ADAMTS17: variants seen among roughly 807,000 people sequenced by gnomAD.
The protein encoded by ADAMTS17 is A disintegrin and metalloproteinase with thrombospondin motifs 17.
ADAMTS17 carries 113 observed loss-of-function variants against 141.5 expected under a neutral mutation model. That is an observed-to-expected ratio of 0.80 (90% CI 0.69 to 0.93). The LOEUF (loss-of-function observed/expected upper bound fraction) is 0.93, where lower values mean the gene tolerates loss of function less well. ADAMTS17 is among the 40% of genes least tolerant of loss of function. The probability of loss-of-function intolerance (pLI) is 0.00; values close to 1 mark genes in which losing one functional copy is unlikely to be tolerated. For missense variants in ADAMTS17, 1,659 were observed against 1,517.9 expected, an observed-to-expected ratio of 1.09 and a Z score of -1.54; for synonymous variants, 768 against 630.6, an observed-to-expected ratio of 1.22 and a Z score of -3.27.
intron 6 of ADAMTS17, among the ~76,000 whole-genome samples, chr15:100,258,711 C>A (rs2043415952): frequency 6.6e-6 from 1 of 151,876 alleles, no homozygotes; most frequent in Non-Finnish European, 1.5e-5. Flanking sequence ...TGGGTGGGGA[C>A]ACAGCAAAAC....
chr15:100,065,183 G>A (rs911325036), intron 15 of ADAMTS17, among the ~76,000 whole-genome samples: 4 of 152,120 alleles, frequency 2.6e-5, no homozygotes, highest in Non-Finnish European at 5.9e-5. Flanking sequence ...ATTACCCCAA[G>A]AAAGTAATAT....
At chr15:100,223,666 C>A (rs1567383032) in intron 7 of ADAMTS17, among the ~76,000 whole-genome samples, 1 of 150,980 alleles carries the variant, frequency 6.6e-6, no homozygotes, top group East Asian at 1.9e-4. Context: ...CACACACACC[C>A]ACAGACACAC....
At chr15:100,198,544 GCCT>G (rs1458710679) in intron 8 of ADAMTS17, among the ~76,000 whole-genome samples, 2 of 152,022 alleles carry the variant, frequency 1.3e-5, no homozygotes, top group African/African-American at 4.8e-5. Context: ...GCATGCTCTG[GCCT>G]CCTCAATTTA....
At chr15:100,185,658 C>T (rs992231917) in intron 8 of ADAMTS17, among the ~76,000 whole-genome samples, 1 of 152,240 alleles carries the variant, frequency 6.6e-6, no homozygotes, top group Middle Eastern at 3.2e-3. Flanking sequence ...TAACTTGCAG[C>T]ACACCAGTTC....
At chr15:100,118,838 C>A (rs1187547569) in intron 12 of ADAMTS17, among the ~76,000 whole-genome samples, 2 of 152,254 alleles carry the variant, frequency 1.3e-5, no homozygotes, top group Middle Eastern at 3.4e-3. Context: ...GCAGCAGATG[C>A]AGCATGGCAC....
At chr15:100,302,784 A>G (rs11247181) in intron 3 of ADAMTS17, among the ~76,000 whole-genome samples, 98,872 of 152,068 alleles carry the variant, frequency 0.65, 33,535 homozygotes, top group African/African-American at 0.84. Flanking sequence ...CTGTGAGAGT[A>G]TTGCCACAGG....
rs954751217 is a variant in ADAMTS17, at chr15:100,069,589, C to T, written c.2138-15535G>A. Among the ~76,000 whole-genome samples the T allele has an allele frequency of 3.7e-4, 57 of 152,136 alleles. 2 individuals carry two copies. Among genetic ancestry groups the T allele is most frequent in the South Asian group, 4.1e-4 (2 of 4,828 alleles). ...CCAGAAGAGAGTGGGGGCCAATATT[C>T]AACATTCTTAAAGAAAGGAATTTTC... On this transcript the variant is annotated intron_variant, in intron 15 of 21. Coordinates refer to ENST00000268070, the MANE Select transcript of ADAMTS17 (RefSeq NM_139057.4).
chr15:100,341,554 G>C (rs1025383235), intron 1 of ADAMTS17, 145 bp from the exon 2 acceptor site: 14 of 868,630 alleles, frequency 1.6e-5, no homozygotes, highest in Middle Eastern at 5.1e-4. Context: ...CCTCCACGCT[G>C]GCCCGCGCCA....
intron 7 of ADAMTS17, among the ~76,000 whole-genome samples, chr15:100,235,122 C>T (rs1034842691): frequency 1.3e-5 from 2 of 152,122 alleles, no homozygotes; most frequent in Non-Finnish European, 2.9e-5. Flanking sequence ...CGCGGGCCCA[C>T]GATGAGATAG....
intron 3 of ADAMTS17, among the ~76,000 whole-genome samples, chr15:100,308,602 T>C (rs915730854): frequency 6.6e-6 from 1 of 152,144 alleles, no homozygotes; most frequent in South Asian, 2.1e-4. Flanking sequence ...TGGTTGAAAC[T>C]GGAATGTCTT....
At chr15:100,299,911 A>G (rs1234036039) in intron 3 of ADAMTS17, among the ~76,000 whole-genome samples, 1 of 152,202 alleles carries the variant, frequency 6.6e-6, no homozygotes, top group African/African-American at 2.4e-5. Flanking sequence ...GGATGGGAAC[A>G]GCCCTCTCTC....
intron 8 of ADAMTS17, among the ~76,000 whole-genome samples, chr15:100,156,405 G>A (rs536474027): frequency 4.6e-5 from 7 of 152,236 alleles, no homozygotes; most frequent in African/African-American, 1.4e-4. Flanking sequence ...CAACTCCCAC[G>A]TGGAGTTGGA....
intron 10 of ADAMTS17, among the ~76,000 whole-genome samples, chr15:100,151,526 C>G (rs2039164300): frequency 6.6e-6 from 1 of 152,210 alleles, no homozygotes; most frequent in South Asian, 2.1e-4. Flanking sequence ...CTCCAGGAAC[C>G]TGCCCAGCCA....
At chr15:99,988,612 C>G (rs1475432382) in intron 20 of ADAMTS17, among the ~76,000 whole-genome samples, 1 of 152,238 alleles carries the variant, frequency 6.6e-6, no homozygotes, top group Non-Finnish European at 1.5e-5. Flanking sequence ...GACAGCTTGT[C>G]AAACGGGCTG....
intron 4 of ADAMTS17, among the ~76,000 whole-genome samples, chr15:100,275,122 G>A (rs2044036177): frequency 6.6e-6 from 1 of 152,206 alleles, no homozygotes; most frequent in Non-Finnish European, 1.5e-5. Context: ...CCTCTGAGGG[G>A]ACATTTGCAC....
chr15:100,329,662 C>T (rs566100845), intron 3 of ADAMTS17, among the ~76,000 whole-genome samples: 1 of 152,194 alleles, frequency 6.6e-6, no homozygotes, highest in East Asian at 1.9e-4. Context: ...TGTAAGGAGG[C>T]AGAAAGAACA....
In ADAMTS17 at chr15:100,021,748, G is replaced by A. The variant is rs79596762; in HGVS notation, c.2592-24159C>T. 3.9e-5 allele frequency among the ~76,000 whole-genome samples: 6 copies of A among 152,342 alleles called. No individual in the cohort carries two copies. The East Asian group carries it at 9.6e-4, about 24-fold the overall frequency. On this transcript the variant is annotated intron_variant, in intron 18 of 21. Coordinates refer to ENST00000268070, the MANE Select transcript of ADAMTS17 (RefSeq NM_139057.4). Reference sequence around the variant, plus strand: ...AAGAAAAAGAAGTACCAGGGTAGATGAAGGTAAGGGGAACAAGCCTTGTCG... The same window carrying A: ...AAGAAAAAGAAGTACCAGGGTAGATAAAGGTAAGGGGAACAAGCCTTGTCG...
intron 15 of ADAMTS17, among the ~76,000 whole-genome samples, chr15:100,062,489 G>A (rs1011901884): frequency 6.6e-6 from 1 of 152,196 alleles, no homozygotes; most frequent in Non-Finnish European, 1.5e-5. Context: ...GGTCTTCATT[G>A]TAAACTTGCC....
chr15:100,107,356 G>A (rs1231008892), intron 14 of ADAMTS17, among the ~76,000 whole-genome samples: 4 of 152,272 alleles, frequency 2.6e-5, no homozygotes, highest in East Asian at 1.9e-4. Flanking sequence ...TGAGGGCAAC[G>A]CATGGTGATC....
Sources: gnomAD v4.1 joint callset for allele counts (sites outside exome capture counted in the v4.1 genomes callset) on GRCh38, gnomAD v4.1.1 for gene constraint, MANE v1.5 for transcripts, NCBI Gene and HGNC (gene_info 2026-07-23, HGNC 2026-07-21) for gene names.